The following SEPTIN12 variants were observed in gnomAD, a reference collection of about 807,000 sequenced individuals.
SEPTIN12 encodes the protein septin 12.
A neutral mutation model predicts 37.7 loss-of-function variants in SEPTIN12; 42 were observed. The ratio of observed to expected loss-of-function variants is 1.11; its 90% CI spans 0.87 to 1.44. The LOEUF (loss-of-function observed/expected upper bound fraction) is 1.44, where lower values mean the gene tolerates loss of function less well. Among genes scored for constraint, SEPTIN12 ranks in the 40% most tolerant of loss-of-function variants. SEPTIN12 has a pLI of 0.00. For synonymous variants in SEPTIN12, 254 were observed against 196.7 expected (o/e 1.29, Z -2.44); for missense variants, 613 against 479.2 (o/e 1.28, Z -2.61).
intron 7 of SEPTIN12, among the ~76,000 whole-genome samples, chr16:4,781,637 A>C (rs1204579734): frequency 6.7e-6 from 1 of 149,210 alleles, no homozygotes; most frequent in African/African-American, 2.5e-5. Flanking sequence ...ACAGGGTGAC[A>C]GTGCTTCATT....
Position 4,778,015 on chromosome 16 carries a change from G to T in SEPTIN12, c.876-17C>A. The T allele has an allele frequency of 1.2e-6, 2 of 1,612,208 alleles. No individual in the cohort carries two copies. The highest frequency in any genetic ancestry group is 1.7e-5 in the Admixed American group (1 of 59,676). ...AGGTGGGAGCTGGGGGACCGGAGAC[G>T]GTCAGCCCCGATGGTGGTGTCCCCA... is the stretch of plus-strand genomic sequence containing the variant. On this transcript the variant is annotated splice_polypyrimidine_tract_variant and intron_variant, in intron 9 of 9. Coordinates refer to ENST00000268231, the MANE Select transcript of SEPTIN12 (RefSeq NM_144605.5).
At chr16:4,785,020 G>A (rs2082420961) in intron 4 of SEPTIN12, among the ~76,000 whole-genome samples, 1 of 152,042 alleles carries the variant, frequency 6.6e-6, no homozygotes, top group Admixed American at 6.6e-5. Context: ...ACTGAGGTGG[G>A]CGGACCACCC....
chr16:4,783,672 C>A lies in SEPTIN12; in HGVS notation c.607G>T (p.Glu203Ter), dbSNP rs368468560. 7.4e-6 allele frequency: 12 copies of A among 1,614,004 alleles called. No individual in the cohort carries two copies. The African/African-American group carries it at 1.1e-4, about 14-fold the overall frequency. ...ACCCTGCGCCTGAAGGCCTCTCGCT[C>A]CTCCATGGTCAGGCTGTCGGCCCTG... ...IARADSLTMEEREAFRRRIQQ... is the reference protein window; with the variant it reads ...IARADSLTME The change falls in exon 6 of 10, where the codon GAG becomes TAG. Residue 203 changes from glutamate (E) to a stop codon, truncating the protein, a stop_gained. Coordinates refer to ENST00000268231, the MANE Select transcript of SEPTIN12 (RefSeq NM_144605.5). LOFTEE classifies it high-confidence loss of function.
upstream of SEPTIN12, among the ~76,000 whole-genome samples, chr16:4,789,606 G>A (rs1313242121): frequency 2.6e-5 from 4 of 152,080 alleles, no homozygotes; most frequent in African/African-American, 4.8e-5. Context: ...GATTACAGGC[G>A]TTAGCCCCTG....
At chr16:4,787,370 G>A in intron 2 of SEPTIN12, 110 bp downstream of exon 2, 1 of 951,050 alleles carries the variant, frequency 1.1e-6, no homozygotes, top group Non-Finnish European at 1.7e-6. Context: ...CTATTATCAG[G>A]CCCACCTAAG....
intron 8 of SEPTIN12, among the ~76,000 whole-genome samples, chr16:4,778,389 G>C (rs1188797985): frequency 1.3e-5 from 2 of 152,202 alleles, no homozygotes; most frequent in Non-Finnish European, 2.9e-5. Flanking sequence ...TGTACACTCG[G>C]CCTCTGTATC....
At chr16:4,783,788 T>C (rs749916961) in intron 5 of SEPTIN12, 22 bp from the exon 6 acceptor site, 1 of 1,605,766 alleles carries the variant, frequency 6.2e-7, no homozygotes, top group Non-Finnish European at 8.5e-7. Context: ...AGGGCAGTGA[T>C]GGGGGTGGCG....
chr16:4,784,295 T>TTA, intron 4 of SEPTIN12: 1 of 547,638 alleles, frequency 1.8e-6, no homozygotes, highest in South Asian at 2.1e-5. Context: ...ATGGAGACAA[T>TTA]AGTAGCACCT....
In SEPTIN12 at chr16:4,787,584, G is replaced by A; in HGVS notation, c.62C>T (p.Thr21Ile). 2 of 1,608,376 alleles carry A rather than the reference G, an allele frequency of 1.2e-6. No individual in the cohort carries two copies. Among genetic ancestry groups the A allele is most frequent in the South Asian group, 2.2e-5 (2 of 91,078 alleles). ...CLSSQPSSPS[T>I]PPCEMLGPVG... Reference sequence around the variant, plus strand: ...AGGACCAAGCATCTCGCAGGGTGGGGTGCTGGGGCTGGAGGGCTGCGAGGA... The same window carrying A: ...AGGACCAAGCATCTCGCAGGGTGGGATGCTGGGGCTGGAGGGCTGCGAGGA... The change falls in exon 2 of 10, where the codon ACC (threonine) becomes ATC (isoleucine). Residue 21 changes from threonine (T) to isoleucine (I), a missense_variant. By Grantham distance (89) the Thr-to-Ile change is moderately conservative. Transcript: ENST00000268231.
In SEPTIN12 at chr16:4,784,086, C is replaced by G. The variant is rs548437213; in HGVS notation, c.375-18G>C. ...GGTCCCAGCTGAGGCGGGAGGTGGA[C>G]CCTCCCCTCAGAACTGTGCTGTGCC... On this transcript the variant is annotated intron_variant, in intron 4 of 9. Coordinates refer to ENST00000268231, the MANE Select transcript of SEPTIN12 (RefSeq NM_144605.5). 4 of 1,613,384 alleles carry G rather than the reference C, an allele frequency of 2.5e-6. No homozygotes were observed. Among genetic ancestry groups the G allele is most frequent in the Non-Finnish European group, 3.4e-6 (4 of 1,179,670 alleles).
chr16:4,787,062 G>A (rs1325921978), intron 2 of SEPTIN12, among the ~76,000 whole-genome samples: 2 of 152,118 alleles, frequency 1.3e-5, no homozygotes, highest in Non-Finnish European at 2.9e-5. Context: ...TTTTAGTAGA[G>A]ACGGAGTTTC....
At chr16:4,790,767 C>A (rs191420721), upstream of SEPTIN12, among the ~76,000 whole-genome samples, 1 of 151,920 alleles carries the variant, frequency 6.6e-6, no homozygotes, top group Non-Finnish European at 1.5e-5. Flanking sequence ...CCAGCCTGGG[C>A]GACAGAGTAA....
chr16:4,788,409 AC>A (rs947307210), upstream of SEPTIN12: 12 of 152,486 alleles, frequency 7.9e-5, no homozygotes, highest in African/African-American at 2.9e-4. Context: ...ACTTGCTGTG[AC>A]CCCCACCTGG....
At chr16:4,782,602 C>T (rs1222341587) in intron 7 of SEPTIN12, among the ~76,000 whole-genome samples, 1 of 151,962 alleles carries the variant, frequency 6.6e-6, no homozygotes, top group Non-Finnish European at 1.5e-5. Flanking sequence ...TCCACATCTT[C>T]CACAGCACTT....
At chr16:4,786,512 G>T (rs1014119040) in intron 2 of SEPTIN12, among the ~76,000 whole-genome samples, 1 of 151,350 alleles carries the variant, frequency 6.6e-6, no homozygotes, top group African/African-American at 2.4e-5. Context: ...CCGCCACCAC[G>T]CCTGGCTAAT....
At chr16:4,788,686 A>T (rs970277295), upstream of SEPTIN12, 2 of 152,202 alleles carry the variant, frequency 1.3e-5, no homozygotes, top group African/African-American at 4.8e-5. Flanking sequence ...TTGCTTTAGC[A>T]AATATTTACC....
chr16:4,784,178 G>A (rs545719617), intron 4 of SEPTIN12, 110 bp from the exon 5 acceptor site: 37 of 1,297,800 alleles, frequency 2.9e-5, no homozygotes, highest in African/African-American at 1.2e-4. Context: ...GAATCGTCCC[G>A]GTTGGCCCGG....
intron 8 of SEPTIN12, 113 bp downstream of exon 8, chr16:4,779,577 T>C: frequency 1.3e-6 from 1 of 747,512 alleles, no homozygotes; most frequent in Non-Finnish European, 2.4e-6. Context: ...CAGGGCTCTT[T>C]GTCTAGTGGG....
At chr16:4,779,808 A>G in intron 7 of SEPTIN12, 22 bp from the exon 8 acceptor site, 1 of 1,534,684 alleles carries the variant, frequency 6.5e-7, no homozygotes, top group Non-Finnish European at 9.0e-7. Flanking sequence ...GAAGACACAG[A>G]GATGGGAGGA....
Sources: gnomAD v4.1 joint callset for allele counts (sites outside exome capture counted in the v4.1 genomes callset) on GRCh38, gnomAD v4.1.1 for gene constraint, MANE v1.5 for transcripts, NCBI Gene and HGNC (gene_info 2026-07-23, HGNC 2026-07-21) for gene names.